WDR41: variants seen among roughly 807,000 people sequenced by gnomAD.
The protein encoded by WDR41 is WD repeat-containing protein 41.
Under a neutral mutation model 69.3 loss-of-function variants are expected in WDR41, and 63 were observed. The ratio of observed to expected loss-of-function variants is 0.91; its 90% CI spans 0.74 to 1.12. The LOEUF (loss-of-function observed/expected upper bound fraction) is 1.12. Ranked by LOEUF, WDR41 falls within the 50% of genes most tolerant of loss-of-function variation. The pLI, the probability that WDR41 is intolerant of heterozygous loss-of-function variation, is 0.00. For missense variants in WDR41, 543 were observed against 534.5 expected, an observed-to-expected ratio of 1.02 and a Z score of -0.16; for synonymous variants, 185 against 192.1, an observed-to-expected ratio of 0.96 and a Z score of 0.31.
intron 2 of WDR41, among the ~76,000 whole-genome samples, chr5:77,480,394 A>C (rs1420933197): frequency 2.6e-5 from 4 of 152,190 alleles, no homozygotes; most frequent in Non-Finnish European, 5.9e-5. Flanking sequence ...TTGCGGCACT[A>C]TTCACAATAG....
chr5:77,464,957 C>A, intron 2 of WDR41, 148 bp from the exon 3 acceptor site: 1 of 766,744 alleles, frequency 1.3e-6, no homozygotes. Flanking sequence ...ATTTATGAAA[C>A]ACATTCCAGC....
chr5:77,511,572 A>G (rs1802203942), intron 1 of WDR41, among the ~76,000 whole-genome samples: 1 of 152,180 alleles, frequency 6.6e-6, no homozygotes, highest in African/African-American at 2.4e-5. Flanking sequence ...TCTGTGAACA[A>G]CACAGGCAAA....
chr5:77,603,082 C>T (rs778378578), intron 1 of WDR41, among the ~76,000 whole-genome samples: 7 of 151,912 alleles, frequency 4.6e-5, no homozygotes, highest in Non-Finnish European at 8.8e-5. Flanking sequence ...GGACTACAGG[C>T]GCCCACCACC....
chr5:77,544,219 C>T (rs1298692649), intron 1 of WDR41, among the ~76,000 whole-genome samples: 1 of 142,730 alleles, frequency 7.0e-6, no homozygotes, highest in East Asian at 2.0e-4. Context: ...TCTCATAGGA[C>T]CTATAAAACA....
chr5:77,492,198 C>T lies in WDR41; in HGVS notation c.23G>A (p.Gly8Glu). The T allele has an allele frequency of 1.2e-6, 2 of 1,612,514 alleles. No individual in the cohort carries two copies. The highest frequency in any genetic ancestry group is 1.7e-6 in the Non-Finnish European group (2 of 1,179,500). MLRWLIGGGREPQGLAEK... is the reference protein window; with the variant it reads MLRWLIGEGREPQGLAEK... Reference sequence around the variant, plus strand: ...GGCCAGTCCCTGCGGTTCTCGGCCTCCCCCGATCAGCCATCGCAACATCCG... The same window carrying T: ...GGCCAGTCCCTGCGGTTCTCGGCCTTCCCCGATCAGCCATCGCAACATCCG... The change falls in exon 1 of 13, where the codon GGA becomes GAA. Residue 8 changes from glycine to glutamate, a missense_variant. Transcript: ENST00000296679.
At chr5:77,547,356 A>G (rs1222664293) in intron 1 of WDR41, among the ~76,000 whole-genome samples, 2 of 152,074 alleles carry the variant, frequency 1.3e-5, no homozygotes, top group Non-Finnish European at 2.9e-5. Context: ...TGATATGACC[A>G]TTTATCTAGA....
intron 4 of WDR41, among the ~76,000 whole-genome samples, chr5:77,461,070 T>C (rs1054069497): frequency 6.6e-6 from 1 of 152,230 alleles, no homozygotes; most frequent in African/African-American, 2.4e-5. Context: ...AACTTCTGTA[T>C]GTAATTTTAA....
chr5:77,451,929 G>A (rs912639327), intron 6 of WDR41: 34 of 151,308 alleles, frequency 2.2e-4, no homozygotes, highest in South Asian at 2.1e-4. Context: ...TGATTTTAGC[G>A]TAACTATAAC....
chr5:77,492,603 G>A (rs1801863593), upstream of WDR41: 1 of 247,636 alleles, frequency 4.0e-6, no homozygotes, highest in South Asian at 1.6e-4. Flanking sequence ...CGACCCCGGC[G>A]AGCAAGCGCG....
At chr5:77,524,722 C>T (rs1457383956) in intron 1 of WDR41, among the ~76,000 whole-genome samples, 1 of 152,156 alleles carries the variant, frequency 6.6e-6, no homozygotes, top group Non-Finnish European at 1.5e-5. Context: ...CCCCGCAGAA[C>T]CACAGCCTAT....
intron 1 of WDR41, among the ~76,000 whole-genome samples, chr5:77,606,948 G>A (rs1351177427): frequency 1.4e-5 from 2 of 144,104 alleles, no homozygotes; most frequent in African/African-American, 5.1e-5. Flanking sequence ...CTCAAGATAA[G>A]TTTGCAGGTC....
chr5:77,493,155 C>A (rs1801879089), upstream of WDR41, among the ~76,000 whole-genome samples: 1 of 151,988 alleles, frequency 6.6e-6, no homozygotes, highest in Non-Finnish European at 1.5e-5. Flanking sequence ...GTGGTTGGGA[C>A]GTAGGAATCG....
At chr5:77,457,099 T>C (rs1799864870) in intron 5 of WDR41, among the ~76,000 whole-genome samples, 1 of 152,174 alleles carries the variant, frequency 6.6e-6, no homozygotes, top group African/African-American at 2.4e-5. Context: ...GTTTGTTGAG[T>C]ATTTTTATCA....
chr5:77,464,759 A>C lies in WDR41; in HGVS notation c.216+2T>G. 1 of 1,613,748 alleles carries C rather than the reference A, an allele frequency of 6.2e-7. No homozygotes were observed. ...CACAATCCACACATAATCAATACAC[A>C]CCTGGGCATTCCACACAACTACAAT... is the stretch of plus-strand genomic sequence containing the variant. On this transcript the variant is annotated splice_donor_variant, in intron 3 of 12. Transcript: ENST00000296679. LOFTEE classifies it high-confidence loss of function.
chr5:77,534,351 C>T lies in WDR41; in HGVS notation c.43-44779G>A, dbSNP rs538443147. Among the ~76,000 whole-genome samples the T allele has an allele frequency of 5.9e-5, 9 of 152,046 alleles. No homozygotes were observed. In the East Asian group the frequency reaches 1.7e-3, roughly 29 times the overall value. ...ATATGTGGGGGGCGGCGGGGAAAGA[C>T]CTTATATGGACAAAAAAATGAGAAG... is the stretch of plus-strand genomic sequence containing the variant. On this transcript the variant is annotated intron_variant, in intron 1 of 5. Transcript: ENST00000509971.
At chr5:77,556,928 G>T (rs1743413305) in intron 1 of WDR41, among the ~76,000 whole-genome samples, 1 of 152,098 alleles carries the variant, frequency 6.6e-6, no homozygotes, top group Non-Finnish European at 1.5e-5. Flanking sequence ...CACCAAGGGA[G>T]GGGGCACCTG....
chr5:77,436,709 G>A (rs1350936373), intron 11 of WDR41, among the ~76,000 whole-genome samples: 2 of 152,132 alleles, frequency 1.3e-5, no homozygotes, highest in Non-Finnish European at 2.9e-5. Flanking sequence ...GGAAAAAAGG[G>A]CAAAACTCAG....
chr5:77,438,102 C>T, intron 10 of WDR41, 138 bp downstream of exon 10: 1 of 1,265,168 alleles, frequency 7.9e-7, no homozygotes. Context: ...AGACAGCCCT[C>T]AGGCATTCTC....
chr5:77,437,892 T>C (rs1476498945), intron 10 of WDR41, among the ~76,000 whole-genome samples: 1 of 152,180 alleles, frequency 6.6e-6, no homozygotes, highest in Non-Finnish European at 1.5e-5. Flanking sequence ...CAGCAACCAT[T>C]TGATTCTGGC....
Sources: allele counts gnomAD v4.1 joint callset (sites outside exome capture counted in the v4.1 genomes callset), GRCh38; gene constraint gnomAD v4.1.1; transcripts MANE v1.5; gene names NCBI Gene and HGNC (gene_info 2026-07-23, HGNC 2026-07-21).